Variants in DCX observed in about 807,000 individuals in gnomAD.
DCX encodes the protein doublecortin, also known as neuronal migration protein doublecortin.
Under a neutral mutation model 20.9 loss-of-function variants are expected in DCX, and 4 were observed. The observed-to-expected ratio is 0.19, with a 90% CI of 0.09 to 0.44. DCX has a LOEUF of 0.44. Among genes scored for constraint, DCX ranks in the 20% least tolerant of loss-of-function variants. The pLI is 0.99. For missense variants in DCX, 133 were observed against 296.9 expected (o/e 0.45, Z 4.06); for synonymous variants, 103 against 111.4 (o/e 0.92, Z 0.47).
chrX:111,342,593 C>T (rs1292693734), intron 3 of DCX, among the ~76,000 whole-genome samples: 1 of 106,817 alleles, frequency 9.4e-6, no homozygotes, highest in Non-Finnish European at 1.9e-5. Context: ...AACTCTCCAC[C>T]CCAAATCAAG....
At chrX:111,330,119 G>A (rs1033767185) in intron 5 of DCX, among the ~76,000 whole-genome samples, 10 of 112,007 alleles carry the variant, frequency 8.9e-5, no homozygotes, top group Non-Finnish European at 1.7e-4. Flanking sequence ...ACATCAGAAT[G>A]CAAATCAACA....
chrX:111,387,216 T>C (rs1341392347), intron 3 of DCX, among the ~76,000 whole-genome samples: 1 of 111,614 alleles, frequency 9.0e-6, no homozygotes, highest in South Asian at 3.7e-4. Flanking sequence ...TATGGACCCA[T>C]GAAAAGGGTT....
intron 3 of DCX, among the ~76,000 whole-genome samples, chrX:111,352,160 C>T (rs1021555541): frequency 8.9e-6 from 1 of 111,860 alleles, no homozygotes; most frequent in Non-Finnish European, 1.9e-5. Flanking sequence ...GACATAGAGG[C>T]CTGGAATGCT....
chrX:111,306,994 G>T (rs1287161147), intron 6 of DCX, among the ~76,000 whole-genome samples: 1 of 110,730 alleles, frequency 9.0e-6, no homozygotes, highest in African/African-American at 3.3e-5. Context: ...GGTTGCCAGG[G>T]GTTGGATGAA....
chrX:111,371,466 T>G (rs1031188239), intron 3 of DCX, among the ~76,000 whole-genome samples: 1 of 111,735 alleles, frequency 8.9e-6, no homozygotes, highest in Non-Finnish European at 1.9e-5. Flanking sequence ...GCTCAAACAA[T>G]GCTATCAGTG....
intron 5 of DCX, among the ~76,000 whole-genome samples, chrX:111,323,067 CA>C (rs1166189101): frequency 9.0e-6 from 1 of 111,624 alleles, no homozygotes; most frequent in Non-Finnish European, 1.9e-5. Context: ...ACAATGCTGT[CA>C]ACATTTATTT....
At chrX:111,394,823 A>G (rs1200059612) in intron 3 of DCX, among the ~76,000 whole-genome samples, 1 of 112,174 alleles carries the variant, frequency 8.9e-6, no homozygotes, top group African/African-American at 3.2e-5. Flanking sequence ...ACTTGCCACA[A>G]TTTTAGCAGG....
chrX:111,301,407 T>G lies in DCX; in HGVS notation c.*280A>C. On this transcript the variant is annotated 3_prime_UTR_variant, in exon 7 of 7. Coordinates refer to ENST00000636035, the MANE Select transcript of DCX (RefSeq NM_001195553.2). Reference sequence around the variant, plus strand: ...ATAACGCAGGCACCTAAGCTTTCCATTGAAAGGTCATGGACTAGCACATTT... The same window carrying G: ...ATAACGCAGGCACCTAAGCTTTCCAGTGAAAGGTCATGGACTAGCACATTT... The G allele has an allele frequency of 2.6e-6, 1 of 389,493 alleles. No individual in the cohort carries two copies. The highest frequency in any genetic ancestry group is 4.5e-6 in the Non-Finnish European group (1 of 220,795). The allele number at this position is 389,493 out of a possible 1,213,427, so 32.1% of individuals were successfully genotyped here. A position where few individuals can be genotyped will look rare whatever the true frequency, so the allele number is the denominator to read the frequency against.
chrX:111,359,396 A>G (rs758529182), intron 3 of DCX, among the ~76,000 whole-genome samples: 6 of 112,068 alleles, frequency 5.4e-5, no homozygotes, highest in African/African-American at 1.9e-4. Flanking sequence ...AACACCAAAA[A>G]TAGAGATAAG....
intron 6 of DCX, among the ~76,000 whole-genome samples, chrX:111,310,335 A>T (rs1305985338): frequency 1.8e-5 from 2 of 111,242 alleles, no homozygotes; most frequent in African/African-American, 6.5e-5. Context: ...TCCATCTCAA[A>T]AAATAAATAA....
chrX:111,363,463 G>T (rs1260856879), intron 3 of DCX, among the ~76,000 whole-genome samples: 2 of 108,755 alleles, frequency 1.8e-5, no homozygotes, highest in African/African-American at 6.7e-5. Context: ...CAACAGTGCT[G>T]CAGGGGATGA....
At chrX:111,308,399 G>A (rs1362499972) in intron 6 of DCX, among the ~76,000 whole-genome samples, 1 of 111,529 alleles carries the variant, frequency 9.0e-6, no homozygotes, top group East Asian at 2.8e-4. Context: ...TTATGATGGT[G>A]TGGTTTTGTT....
At chrX:111,329,283 T>C (rs890222845) in intron 5 of DCX, among the ~76,000 whole-genome samples, 1 of 112,032 alleles carries the variant, frequency 8.9e-6, no homozygotes, top group South Asian at 3.7e-4. Flanking sequence ...TTTTTATTTC[T>C]TCAGCAAACA....
In DCX at chrX:111,319,727, G is replaced by A. The variant is rs759535596; in HGVS notation, c.947-6991C>T. On this transcript the variant is annotated intron_variant, in intron 5 of 6. Transcript: ENST00000636035. ...GAAGCAATCTTGGAGACCTATATGAGCTGACACAATAGAACTCTTCCAAAA... is the reference window on the plus strand; with the variant it reads ...GAAGCAATCTTGGAGACCTATATGAACTGACACAATAGAACTCTTCCAAAA... Among the ~76,000 whole-genome samples the A allele has an allele frequency of 3.1e-3, 353 of 112,167 alleles. 3 individuals are homozygous for A. The highest frequency in any genetic ancestry group is 0.01 in the African/African-American group (319 of 30,850).
rs777839184 is a variant in DCX, at chrX:111,383,444, T to C, written c.705+17546A>G. Among the ~76,000 whole-genome samples, 161 of 112,199 alleles carry C rather than the reference T, an allele frequency of 1.4e-3. 1 individual carries two copies. Among genetic ancestry groups the C allele is most frequent in the Non-Finnish European group, 2.6e-3 (136 of 53,205 alleles). The stretch of plus-strand genomic sequence containing the variant: ...GGGAAATGAAAAAGAATAAAAGTTT[T>C]ATCCATTGTCCTACTAGTATAATTT... On this transcript the variant is annotated intron_variant, in intron 3 of 6. Transcript: ENST00000636035.
chrX:111,333,195 G>A, intron 3 of DCX, 42 bp from the exon 4 acceptor site: 1 of 1,005,413 alleles, frequency 9.9e-7, no homozygotes, highest in Non-Finnish European at 1.4e-6. Context: ...TGATGGTCCT[G>A]TGACAATGAA....
intron 3 of DCX, among the ~76,000 whole-genome samples, chrX:111,346,413 G>A (rs1451481181): frequency 8.9e-6 from 1 of 112,451 alleles, no homozygotes; most frequent in African/African-American, 3.2e-5. Flanking sequence ...TTACAACATG[G>A]ACTTTGAAAA....
intron 1 of DCX, chrX:111,411,673 T>C (rs1928725348): frequency 8.9e-6 from 1 of 112,505 alleles, no homozygotes; most frequent in Non-Finnish European, 1.9e-5. Flanking sequence ...GCTCAGCTGC[T>C]ACACACTGCC....
At chrX:111,328,445 G>A (rs1466955310) in intron 5 of DCX, among the ~76,000 whole-genome samples, 1 of 111,761 alleles carries the variant, frequency 8.9e-6, no homozygotes, top group Non-Finnish European at 1.9e-5. Context: ...AAACTGTGTA[G>A]TTATAGGTAG....
Sources: gnomAD v4.1 joint callset for allele counts (sites outside exome capture counted in the v4.1 genomes callset) on GRCh38, gnomAD v4.1.1 for gene constraint, MANE v1.5 for transcripts, NCBI Gene and HGNC (gene_info 2026-07-23, HGNC 2026-07-21) for gene names.